The following INTS7 variants were observed in gnomAD, a reference collection of about 807,000 sequenced individuals.
INTS7 encodes the protein integrator complex subunit 7, also known as chromosome 1 open reading frame 73.
In INTS7, 46 loss-of-function variants were observed where a neutral mutation model predicts 109.2. That is an observed-to-expected ratio of 0.42 (90% CI 0.33 to 0.54). INTS7 has a LOEUF of 0.54. INTS7 is among the 20% of genes least tolerant of loss of function. The pLI is 0.07. For missense variants in INTS7, 929 were observed against 1,132.4 expected (o/e 0.82, Z 2.58); for synonymous variants, 412 against 402.9 (o/e 1.02, Z -0.27).
chr1:211,945,718 A>C (rs1342917059), intron 18 of INTS7, among the ~76,000 whole-genome samples: 1 of 152,252 alleles, frequency 6.6e-6, no homozygotes, highest in Non-Finnish European at 1.5e-5. Context: ...AAGTTTACTG[A>C]AGACATTAAC....
chr1:212,000,842 C>A lies in INTS7; in HGVS notation c.879+5797G>T, dbSNP rs372161815. Among the ~76,000 whole-genome samples, 72 of 152,262 alleles carry A rather than the reference C, an allele frequency of 4.7e-4. 2 individuals are homozygous for A. In the South Asian group the frequency reaches 0.015, roughly 32 times the overall value. ...TCACCTACATTAGGCTTCTTAAGGT[C>A]TTCCTTCCTATTCTATGTGAACTAG... On this transcript the variant is annotated intron_variant, in intron 7 of 19. Transcript: ENST00000366994.
intron 17 of INTS7, among the ~76,000 whole-genome samples, chr1:211,949,387 A>G (rs926020015): frequency 3.9e-5 from 6 of 152,030 alleles, no homozygotes; most frequent in Non-Finnish European, 8.8e-5. Flanking sequence ...TTCATCTTCT[A>G]TCACCTCTCT....
chr1:212,017,445 T>C (rs1484978163), intron 3 of INTS7, among the ~76,000 whole-genome samples: 1 of 152,226 alleles, frequency 6.6e-6, no homozygotes, highest in African/African-American at 2.4e-5. Flanking sequence ...CAATCTTTTT[T>C]TCCCACATCA....
intron 1 of INTS7, among the ~76,000 whole-genome samples, chr1:212,034,553 T>C (rs1346904917): frequency 6.6e-6 from 1 of 152,240 alleles, no homozygotes; most frequent in African/African-American, 2.4e-5. Flanking sequence ...TTCATATTAC[T>C]AGTCGAGTTC....
chr1:212,017,242 GC>G (rs1666483467), intron 3 of INTS7, among the ~76,000 whole-genome samples: 1 of 152,132 alleles, frequency 6.6e-6, no homozygotes, highest in South Asian at 2.1e-4. Context: ...TATCTAAAAA[GC>G]AAAATTTTTA....
At chr1:211,962,330 C>T (rs1284315931) in intron 16 of INTS7, among the ~76,000 whole-genome samples, 3 of 148,816 alleles carry the variant, frequency 2.0e-5, no homozygotes, top group Non-Finnish European at 4.4e-5. Flanking sequence ...ACAAGAAGAC[C>T]TAACTATCCT....
intron 6 of INTS7, 92 bp from the exon 7 acceptor site, chr1:212,006,853 A>G (rs77820820): frequency 0.02 from 21,113 of 1,057,390 alleles, 297 homozygotes; most frequent in African/African-American, 0.045. Context: ...ATAAAGGGAC[A>G]GGACTCACTT....
intron 16 of INTS7, among the ~76,000 whole-genome samples, chr1:211,958,348 G>C (rs993570145): frequency 6.6e-6 from 1 of 151,912 alleles, no homozygotes; most frequent in Non-Finnish European, 1.5e-5. Flanking sequence ...CTTTTGGCTT[G>C]TAATATTTCT....
chr1:211,993,154 C>CTTTGCAGTTATGCAA (rs1476289817), intron 7 of INTS7, among the ~76,000 whole-genome samples: 1 of 152,158 alleles, frequency 6.6e-6, no homozygotes, highest in African/African-American at 2.4e-5. Flanking sequence ...CTGTCAGAGA[C>CTTTGCAGTTATGCAA]AGAATACCTC....
chr1:211,961,471 C>T (rs909918734), intron 16 of INTS7, among the ~76,000 whole-genome samples: 2 of 151,540 alleles, frequency 1.3e-5, no homozygotes, highest in Non-Finnish European at 2.9e-5. Context: ...GGTCTGTTGC[C>T]CAGGCTGGAG....
chr1:211,970,452 C>T (rs1664120888), intron 13 of INTS7, among the ~76,000 whole-genome samples: 2 of 152,180 alleles, frequency 1.3e-5, no homozygotes, highest in African/African-American at 2.4e-5. Context: ...TTCTTAGATA[C>T]TATCTCACAT....
intron 1 of INTS7, among the ~76,000 whole-genome samples, chr1:212,033,879 T>TG (rs1383817321): frequency 1.3e-5 from 2 of 152,068 alleles, no homozygotes; most frequent in African/African-American, 2.4e-5. Flanking sequence ...GGTCAGGAGT[T>TG]GGAGACCAGC....
intron 7 of INTS7, among the ~76,000 whole-genome samples, chr1:211,990,811 T>A (rs895374766): frequency 5.9e-5 from 9 of 152,024 alleles, no homozygotes; most frequent in African/African-American, 2.2e-4. Flanking sequence ...GGCCAGATGA[T>A]ATAGGGCCTT....
In INTS7 at chr1:211,978,355, G is replaced by A. The variant is rs1664506854; in HGVS notation, c.1387C>T (p.Leu463=). 1.1e-5 allele frequency: 17 copies of A among 1,614,022 alleles called. No individual in the cohort carries two copies. Among genetic ancestry groups the A allele is most frequent in the Non-Finnish European group, 1.4e-5 (16 of 1,180,020 alleles). The change falls in exon 11 of 20, where the codon CTG becomes TTG. Residue 463 remains leucine, a synonymous_variant. Transcript: ENST00000366994. ...LAAIAMQLPV[L]GDGMLGDLME... is the part of the protein sequence containing the mutation. ...AGGTCACCAAGCATCCCATCACCCA[G>A]CACCGGCAGTTGCATGGCAATGGCT...
At chr1:212,007,728 T>C (rs1665992418) in intron 5 of INTS7, among the ~76,000 whole-genome samples, 1 of 152,220 alleles carries the variant, frequency 6.6e-6, no homozygotes, top group Non-Finnish European at 1.5e-5. Context: ...ATTTGCTGCC[T>C]ATTTCCTCTC....
rs375712157 is a variant in INTS7 at position 211,968,495 on chromosome 1, C to A, written c.2010+18G>T. Reference sequence around the variant, plus strand: ...CTCTAAAGTGTAAATAAAAAATGCACTGAAAGTTAAGACATGCCTGATTGG... The same window carrying A: ...CTCTAAAGTGTAAATAAAAAATGCAATGAAAGTTAAGACATGCCTGATTGG... On this transcript the variant is annotated intron_variant, in intron 14 of 19. Coordinates refer to ENST00000366994, the MANE Select transcript of INTS7 (RefSeq NM_015434.4). 3.8e-6 allele frequency: 6 copies of A among 1,592,972 alleles called. No individual in the cohort carries two copies. The highest frequency in any genetic ancestry group is 5.1e-6 in the Non-Finnish European group (6 of 1,169,464).
chr1:212,026,787 T>C (rs1007490918), intron 1 of INTS7, among the ~76,000 whole-genome samples: 2 of 152,198 alleles, frequency 1.3e-5, no homozygotes, highest in Non-Finnish European at 2.9e-5. Flanking sequence ...GATGGTAAAG[T>C]TCTGTTTGTA....
chr1:212,032,771 G>A (rs949444592), intron 1 of INTS7, among the ~76,000 whole-genome samples: 11 of 152,238 alleles, frequency 7.2e-5, no homozygotes, highest in Middle Eastern at 6.8e-3. Context: ...GAACCACCAC[G>A]CCCGACTGAC....
chr1:211,952,494 A>G, intron 17 of INTS7, 75 bp downstream of exon 17: 1 of 1,466,156 alleles, frequency 6.8e-7, no homozygotes, highest in Non-Finnish European at 9.4e-7. Context: ...TGTTGAACTC[A>G]CACAGTAAGT....
Sources: gnomAD v4.1 joint callset for allele counts (sites outside exome capture counted in the v4.1 genomes callset) on GRCh38, gnomAD v4.1.1 for gene constraint, MANE v1.5 for transcripts, NCBI Gene and HGNC (gene_info 2026-07-23, HGNC 2026-07-21) for gene names.